The following COL6A3 variants were observed in gnomAD, a reference collection of about 807,000 sequenced individuals.
COL6A3 encodes the protein collagen alpha-3(VI) chain.
COL6A3 carries 137 observed loss-of-function variants against 274.1 expected under a neutral mutation model. The ratio of observed to expected loss-of-function variants is 0.50; its 90% CI spans 0.44 to 0.58. COL6A3 has a LOEUF of 0.58. Ranked by LOEUF, COL6A3 falls within the 20% of genes least tolerant of loss-of-function variation. COL6A3 has a pLI of 0.00. For synonymous variants in COL6A3, 1,650 were observed against 1,650.6 expected, an observed-to-expected ratio of 1.00 and a Z score of 0.01; for missense variants, 3,950 against 4,124.9, an observed-to-expected ratio of 0.96 and a Z score of 1.16.
intron 4 of COL6A3, 47 bp downstream of exon 4, chr2:237,387,535 C>T: frequency 1.2e-6 from 2 of 1,613,236 alleles, no homozygotes; most frequent in Non-Finnish European, 8.5e-7. Context: ...TAAACCAACA[C>T]ACACAACACC....
At chr2:237,411,338 C>G (rs1016927179) in intron 1 of COL6A3, among the ~76,000 whole-genome samples, 50 of 152,182 alleles carry the variant, frequency 3.3e-4, no homozygotes, top group African/African-American at 1.1e-3. Flanking sequence ...ATTTTAAGTC[C>G]TAAACATGGA....
chr2:237,360,255 T>C, intron 16 of COL6A3, 96 bp from the exon 17 acceptor site: 1 of 1,222,120 alleles, frequency 8.2e-7, no homozygotes, highest in Non-Finnish European at 1.2e-6. Flanking sequence ...GTGAACAGCA[T>C]GCAGCAGAAA....
In COL6A3 at chr2:237,341,148, T is replaced by A. The variant is rs372278071; in HGVS notation, c.7768A>T (p.Ile2590Phe). ...NVLTCHVCLD[I>F]CNIDPSCGFG... is the part of the protein sequence containing the mutation. Reference sequence around the variant, plus strand: ...CCACAGGATGGGTCGATGTTGCAGATGTCTAGAAAGAAGCATGGCAGCCTA... The same window carrying A: ...CCACAGGATGGGTCGATGTTGCAGAAGTCTAGAAAGAAGCATGGCAGCCTA... The change falls in exon 38 of 44, where the codon ATC becomes TTC. Residue 2590 changes from isoleucine (I) to phenylalanine (F), a missense_variant and splice_region_variant. Physicochemically the swap from Ile to Phe is conservative, Grantham distance 21. This residue lies in a region of COL6A3 where 1,284 missense variants were observed against 1,349.7 expected (regional missense o/e 0.95). Coordinates refer to ENST00000295550, the MANE Select transcript of COL6A3 (RefSeq NM_004369.4). 1.5e-5 allele frequency: 25 copies of A among 1,614,052 alleles called. No homozygotes were observed. In the South Asian group the frequency reaches 2.5e-4, roughly 16 times the overall value.
In COL6A3 at chr2:237,359,018, C is replaced by G. The variant is rs759155275; in HGVS notation, c.6408+17G>C. ...GATATTCTTTCCATAATAGCACCAC[C>G]GTGGAAATACACCTACCCTTCTTCC... is the stretch of plus-strand genomic sequence containing the variant. On this transcript the variant is annotated intron_variant, in intron 20 of 43. Transcript: ENST00000295550. 3.1e-6 allele frequency: 5 copies of G among 1,611,416 alleles called. No homozygotes were observed. The highest frequency in any genetic ancestry group is 3.4e-6 in the Non-Finnish European group (4 of 1,177,682).
In COL6A3 at chr2:237,353,362, C is replaced by A. The variant is rs755171522; in HGVS notation, c.6669G>T (p.Glu2223Asp). The A allele has an allele frequency of 6.2e-7, 1 of 1,614,176 alleles. No homozygotes were observed. The highest frequency in any genetic ancestry group is 1.1e-5 in the South Asian group (1 of 91,072). ...GGPGQPGFEG[E>D]QGTRGAQGPA... ...TCACCTGTGCACCTCTGGTCCCCTG[C>A]TCTCCCTCAAAGCCCGGCTGGCCAG... The change falls in exon 25 of 44, where the codon GAG becomes GAT. Residue 2223 changes from glutamate to aspartate, a missense_variant. Glu to Asp is a conservative substitution (Grantham distance 45). Around this residue, in one of 5 missense-constraint regions of COL6A3, gnomAD observed 1,284 missense variants for 1,349.7 expected, o/e 0.95. Transcript: ENST00000295550.
In COL6A3 at chr2:237,344,358, C is replaced by T. The variant is rs786205870; in HGVS notation, c.7660G>A (p.Ala2554Thr). 29 of 1,614,062 alleles carry T rather than the reference C, an allele frequency of 1.8e-5. No homozygotes were observed. Among genetic ancestry groups the T allele is most frequent in the Admixed American group, 3.3e-5 (2 of 60,010 alleles). Reference protein sequence around the residue: ...TRQEDRQLINALQINNTAVGH... With the variant: ...TRQEDRQLINTLQINNTAVGH... Reference sequence around the variant, plus strand: ...ACGCACAGAGCACAGACCTGCAAAGCGTTGATGAGCTGCCGGTCTTCCTGC... The same window carrying T: ...ACGCACAGAGCACAGACCTGCAAAGTGTTGATGAGCTGCCGGTCTTCCTGC... Residue 2554 changes from alanine to threonine, a missense_variant, in exon 36 of 44, where the codon GCT becomes ACT. Coordinates refer to ENST00000295550, the MANE Select transcript of COL6A3 (RefSeq NM_004369.4). This position sits in a 1 kb window ranked among gnomAD's most constrained non-coding sequence, Gnocchi z 4.8.
chr2:237,396,671 T>TA, intron 2 of COL6A3, 56 bp downstream of exon 2: 1 of 1,565,852 alleles, frequency 6.4e-7, no homozygotes, highest in Non-Finnish European at 8.8e-7. Context: ...GTCTAAGATC[T>TA]AAAATCAAAG....
rs531966849 is a variant in COL6A3 at position 237,408,064 on chromosome 2, G to A, written c.-31+5889C>T. ...TAAATGATTAAAGTGGCTGAAAGGT[G>A]CTCTCTTTGTAAAGAGAAAAGTTAG... On this transcript the variant is annotated intron_variant, in intron 1 of 43. Transcript: ENST00000295550. 4.6e-5 allele frequency among the ~76,000 whole-genome samples: 7 copies of A among 152,266 alleles called. No homozygotes were observed. In the South Asian group the frequency reaches 1.5e-3, roughly 32 times the overall value.
intron 38 of COL6A3, 100 bp downstream of exon 38, chr2:237,340,352 T>A (rs2076959085): frequency 4.5e-6 from 5 of 1,117,048 alleles, no homozygotes; most frequent in Non-Finnish European, 5.3e-6. Context: ...AAACAGTTCC[T>A]GTCAACACAT....
At chr2:237,388,973 A>G (rs760382669) in intron 3 of COL6A3, among the ~76,000 whole-genome samples, 2 of 152,208 alleles carry the variant, frequency 1.3e-5, no homozygotes, top group Admixed American at 6.5e-5. Context: ...ATGCAGAACA[A>G]TGTTAAGCAG....
intron 6 of COL6A3, 67 bp downstream of exon 6, chr2:237,378,569 G>C (rs190669516): frequency 1.2e-6 from 2 of 1,610,330 alleles, no homozygotes; most frequent in Non-Finnish European, 1.7e-6. Context: ...AGTTCAGACT[G>C]GCAAACTACC....
In COL6A3 at chr2:237,344,815, T is replaced by C; in HGVS notation, c.7203A>G (p.Thr2401=). The part of the protein sequence containing the change: ...YGPLECPVFP[T]ELAFALDTSE... Reference sequence around the variant, plus strand: ...AGGTGTCTAAAGCAAAGGCTAGTTCTGTTGGGAAGACGGGGCACTCCAGGG... The same window carrying C: ...AGGTGTCTAAAGCAAAGGCTAGTTCCGTTGGGAAGACGGGGCACTCCAGGG... The change falls in exon 36 of 44, where the codon ACA becomes ACG. Residue 2401 remains threonine, a synonymous_variant. Transcript: ENST00000295550. This position sits in a 1 kb window ranked among gnomAD's most constrained non-coding sequence, Gnocchi z 4.8. 6.2e-7 allele frequency: 1 copy of C among 1,612,464 alleles called. No homozygotes were observed. Among genetic ancestry groups the C allele is most frequent in the East Asian group, 2.2e-5 (1 of 44,874 alleles).
chr2:237,326,713 A>C (rs534282950), intron 42 of COL6A3: 1 of 152,348 alleles, frequency 6.6e-6, no homozygotes, highest in South Asian at 2.1e-4. Flanking sequence ...TCTCCCCTAC[A>C]AAGAGATGCT....
Position 237,379,077 on chromosome 2 carries a change from T to C in COL6A3, c.2056A>G (p.Thr686Ala). The C allele has an allele frequency of 6.2e-7, 1 of 1,614,096 alleles. No homozygotes were observed. Among genetic ancestry groups the C allele is most frequent in the Admixed American group, 1.7e-5 (1 of 60,012 alleles). ...IRVGLVQFSD[T>A]PVTEFSLNTY... ...TTTAAAGAGAACTCCGTTACAGGAG[T>C]GTCACTAAATTGCACTAAACCAACA... The change falls in exon 6 of 44, where the codon ACT becomes GCT. Residue 686 changes from threonine (T) to alanine (A), a missense_variant. By Grantham distance (58) the Thr-to-Ala change is moderately conservative (BLOSUM62 0). Around this residue, in one of 5 missense-constraint regions of COL6A3, gnomAD observed 1,934 missense variants for 1,984.3 expected, o/e 0.97. Coordinates refer to ENST00000295550, the MANE Select transcript of COL6A3 (RefSeq NM_004369.4).
At chr2:237,342,706 T>C (rs1387126286) in intron 36 of COL6A3, 3 of 158,400 alleles carry the variant, frequency 1.9e-5, no homozygotes, top group African/African-American at 7.2e-5. Context: ...AAATAATTAA[T>C]GAATGAACAA....
chr2:237,328,444 G>C (rs1252248794), intron 42 of COL6A3: 2 of 152,202 alleles, frequency 1.3e-5, no homozygotes, highest in African/African-American at 2.4e-5. Context: ...ATGTGCAGGA[G>C]TGGATGTGCA....
chr2:237,347,130 C>G (rs1340715460), intron 31 of COL6A3, among the ~76,000 whole-genome samples: 1 of 151,956 alleles, frequency 6.6e-6, no homozygotes, highest in Non-Finnish European at 1.5e-5. Context: ...AATAATCTGG[C>G]CAGGTGTGGT....
chr2:237,330,041 C>G (rs1183804756), intron 42 of COL6A3: 1 of 152,216 alleles, frequency 6.6e-6, no homozygotes, highest in Non-Finnish European at 1.5e-5. Context: ...TGCATTGAAA[C>G]TTCTTTAACA....
chr2:237,379,098 C>T lies in COL6A3; in HGVS notation c.2035G>A (p.Gly679Ser), dbSNP rs201031137. ...LDIGNDNIRV[G>S]LVQFSDTPVT... ...GGAGTGTCACTAAATTGCACTAAAC[C>T]AACACGAATATTGTCATTTCCAATA... The change falls in exon 6 of 44, where the codon GGT becomes AGT. Residue 679 changes from glycine (G) to serine (S), a missense_variant. Transcript: ENST00000295550. 2 of 1,614,204 alleles carry T rather than the reference C, an allele frequency of 1.2e-6. No individual in the cohort carries two copies. Among genetic ancestry groups the T allele is most frequent in the African/African-American group, 2.7e-5 (2 of 75,058 alleles).
Sources: allele counts gnomAD v4.1 joint callset (sites outside exome capture counted in the v4.1 genomes callset), GRCh38; gene constraint gnomAD v4.1.1; regional missense constraint gnomAD v4.1.1; non-coding constraint Gnocchi (gnomAD v3.1); transcripts MANE v1.5; gene names NCBI Gene and HGNC (gene_info 2026-07-23, HGNC 2026-07-21).